The following SNCAIP variants were observed in gnomAD, a reference collection of about 807,000 sequenced individuals.
The protein encoded by SNCAIP is synuclein alpha interacting protein.
In SNCAIP, 43 loss-of-function variants were observed where a neutral mutation model predicts 86.7. The observed-to-expected ratio is 0.50, with a 90% CI of 0.39 to 0.64. The LOEUF (loss-of-function observed/expected upper bound fraction) is 0.64, where lower values mean the gene tolerates loss of function less well. SNCAIP is among the 30% of genes least tolerant of loss of function. The pLI, the probability that SNCAIP is intolerant of heterozygous loss-of-function variation, is 0.00. For synonymous variants in SNCAIP, 417 were observed against 427.2 expected (o/e 0.98, Z 0.29); for missense variants, 981 against 1,103.1 (o/e 0.89, Z 1.57).
At chr5:122,328,439 A>G (rs1187359717) in intron 1 of SNCAIP, among the ~76,000 whole-genome samples, 1 of 152,242 alleles carries the variant, frequency 6.6e-6, no homozygotes, top group Non-Finnish European at 1.5e-5. Context: ...CAGCTTTCAA[A>G]AAATTATCCA....
chr5:122,347,355 T>G (rs1410584038), intron 1 of SNCAIP, among the ~76,000 whole-genome samples: 1 of 151,902 alleles, frequency 6.6e-6, no homozygotes, highest in African/African-American at 2.4e-5. Flanking sequence ...CTCTTCTTTT[T>G]TTGACCGGTT....
intron 1 of SNCAIP, among the ~76,000 whole-genome samples, chr5:122,365,508 A>T (rs1763001277): frequency 6.6e-6 from 1 of 152,076 alleles, no homozygotes; most frequent in Non-Finnish European, 1.5e-5. Context: ...GTGAAACCCC[A>T]TCTGTGCTAA....
chr5:122,408,843 A>G (rs533281962), intron 3 of SNCAIP, among the ~76,000 whole-genome samples: 2 of 152,334 alleles, frequency 1.3e-5, no homozygotes, highest in South Asian at 4.1e-4. Context: ...CAGCATATTT[A>G]TCCTCAAAAT....
At chr5:122,337,912 G>T (rs1031448659) in intron 1 of SNCAIP, among the ~76,000 whole-genome samples, 2 of 152,114 alleles carry the variant, frequency 1.3e-5, no homozygotes, top group Non-Finnish European at 2.9e-5. Flanking sequence ...TTTTAATAGG[G>T]TACTGCTTGT....
At chr5:122,462,062 C>T (rs544068114) in intron 10 of SNCAIP, among the ~76,000 whole-genome samples, 1 of 152,324 alleles carries the variant, frequency 6.6e-6, no homozygotes, top group East Asian at 1.9e-4. Flanking sequence ...AGGTGTCGCA[C>T]TGTACACACA....
intron 1 of SNCAIP, among the ~76,000 whole-genome samples, chr5:122,366,044 A>T (rs1290101537): frequency 2.6e-5 from 4 of 152,188 alleles, no homozygotes; most frequent in South Asian, 2.1e-4. Context: ...CAAGTGAATT[A>T]GTCAGGGTCA....
chr5:122,380,854 A>C (rs1372988789), intron 1 of SNCAIP, among the ~76,000 whole-genome samples: 1 of 152,138 alleles, frequency 6.6e-6, no homozygotes, highest in Admixed American at 6.5e-5. Context: ...AGCAGTTTTA[A>C]GTGAGATTCT....
chr5:122,411,643 A>G lies in SNCAIP; in HGVS notation c.130+7778A>G, dbSNP rs528202665. ...TCTCATAGTTGAAGGGTCCTCTTGC[A>G]TAAGTCCTGACCCTTCTGTGGCATT... On this transcript the variant is annotated intron_variant, in intron 3 of 10. Transcript: ENST00000261368. Among the ~76,000 whole-genome samples, 8 of 152,238 alleles carry G rather than the reference A, an allele frequency of 5.3e-5. No homozygotes were observed. The East Asian group carries it at 7.7e-4, about 15-fold the overall frequency.
chr5:122,448,023 T>C (rs533341963), intron 8 of SNCAIP, among the ~76,000 whole-genome samples: 57 of 152,312 alleles, frequency 3.7e-4, no homozygotes, highest in African/African-American at 1.2e-3. Flanking sequence ...CTAAAACTGA[T>C]AGCTTCTGAG....
At chr5:122,443,730 G>A (rs1202691072) in intron 7 of SNCAIP, 3 of 451,784 alleles carry the variant, frequency 6.6e-6, no homozygotes, top group African/African-American at 6.0e-5. Flanking sequence ...AACTGGGAAA[G>A]GCATGCAACC....
chr5:122,419,470 G>A (rs1162599337), intron 3 of SNCAIP, among the ~76,000 whole-genome samples: 2 of 152,168 alleles, frequency 1.3e-5, no homozygotes, highest in African/African-American at 4.8e-5. Context: ...AAAATCTGTG[G>A]TGTAATCAGA....
chr5:122,362,394 A>T (rs1365749485), intron 1 of SNCAIP, among the ~76,000 whole-genome samples: 1 of 152,178 alleles, frequency 6.6e-6, no homozygotes, highest in Admixed American at 6.6e-5. Flanking sequence ...TAGAGGAAAC[A>T]TTGGAGATTG....
chr5:122,378,796 G>A (rs1314830935), intron 1 of SNCAIP, among the ~76,000 whole-genome samples: 1 of 144,156 alleles, frequency 6.9e-6, no homozygotes, highest in African/African-American at 2.6e-5. Flanking sequence ...ATTAAATAGG[G>A]AATCCTTCCC....
intron 1 of SNCAIP, chr5:122,321,549 T>C (rs749313912): frequency 6.6e-6 from 1 of 152,252 alleles, no homozygotes; most frequent in Non-Finnish European, 1.5e-5. Flanking sequence ...AATATGTCTT[T>C]GTCATCTTTC....
In SNCAIP at chr5:122,451,367, G is replaced by T. The variant is rs370727741; in HGVS notation, c.2520G>T (p.Lys840Asn). ...TGAATGGAGAAAAAGACAAAGATAA[G>T]GGCAGGACTCTCCAGCGGACCTCCA... ...LELNGEKDKD[K>N]GRTLQRTSTS... The change falls in exon 10 of 11, where the codon AAG becomes AAT. Residue 840 changes from lysine to asparagine, a missense_variant. Transcript: ENST00000261368. 6.2e-6 allele frequency: 10 copies of T among 1,614,146 alleles called. No individual in the cohort carries two copies. The highest frequency in any genetic ancestry group is 8.5e-6 in the Non-Finnish European group (10 of 1,180,012).
intron 1 of SNCAIP, among the ~76,000 whole-genome samples, chr5:122,375,090 A>G (rs1765026758): frequency 1.3e-5 from 2 of 152,152 alleles, no homozygotes; most frequent in African/African-American, 4.8e-5. Flanking sequence ...GTATGTACAG[A>G]TGTGCAAATA....
intron 10 of SNCAIP, among the ~76,000 whole-genome samples, chr5:122,454,720 G>A (rs1366325599): frequency 6.6e-6 from 1 of 152,188 alleles, no homozygotes; most frequent in Non-Finnish European, 1.5e-5. Context: ...AGGCAAGAAA[G>A]CACAAATAGT....
intron 3 of SNCAIP, among the ~76,000 whole-genome samples, chr5:122,408,399 A>G (rs1773450842): frequency 6.6e-6 from 1 of 151,950 alleles, no homozygotes; most frequent in African/African-American, 2.4e-5. Flanking sequence ...ACCTCACTTC[A>G]TCCCTGCGGC....
At chr5:122,349,735 G>C (rs990220122) in intron 1 of SNCAIP, among the ~76,000 whole-genome samples, 2 of 152,140 alleles carry the variant, frequency 1.3e-5, no homozygotes, top group African/African-American at 4.8e-5. Flanking sequence ...CATGCTTTCT[G>C]ATCCCTCTGC....
Sources: gnomAD v4.1 joint callset for allele counts (sites outside exome capture counted in the v4.1 genomes callset) on GRCh38, gnomAD v4.1.1 for gene constraint, MANE v1.5 for transcripts, NCBI Gene and HGNC (gene_info 2026-07-23, HGNC 2026-07-21) for gene names.